Variants in PEX5L observed in about 807,000 individuals in gnomAD.
PEX5L encodes the protein PEX5-related protein.
In PEX5L, 30 loss-of-function variants were observed where a neutral mutation model predicts 84.0. That is an observed-to-expected ratio of 0.36 (90% CI 0.27 to 0.48). The LOEUF is 0.48. Among genes scored for constraint, PEX5L ranks in the 20% least tolerant of loss-of-function variants. The pLI is 0.99. For synonymous variants in PEX5L, 270 were observed against 283.1 expected (o/e 0.95, Z 0.46); for missense variants, 533 against 754.6 (o/e 0.71, Z 3.44).
intron 1 of PEX5L, among the ~76,000 whole-genome samples, chr3:179,974,817 C>T (rs756390494): frequency 2.9e-4 from 44 of 152,182 alleles, no homozygotes; most frequent in Non-Finnish European, 2.1e-4. Context: ...CTGTTTCCTA[C>T]CCCTTTGTCC....
intron 1 of PEX5L, among the ~76,000 whole-genome samples, chr3:180,025,588 C>G (rs1790872903): frequency 6.6e-6 from 1 of 152,068 alleles, no homozygotes; most frequent in Non-Finnish European, 1.5e-5. Flanking sequence ...TGCAGAGCAG[C>G]ACTCACTGAG....
chr3:179,877,465 A>G (rs1054163945), intron 5 of PEX5L, among the ~76,000 whole-genome samples: 4 of 152,062 alleles, frequency 2.6e-5, no homozygotes, highest in Admixed American at 6.6e-5. Context: ...ATATTAATAT[A>G]TTCTTTTTTT....
chr3:179,843,204 G>T (rs1257671756), intron 8 of PEX5L, among the ~76,000 whole-genome samples: 1 of 152,132 alleles, frequency 6.6e-6, no homozygotes, highest in Non-Finnish European at 1.5e-5. Context: ...GATCATCACG[G>T]CAGGACAGCC....
intron 2 of PEX5L, among the ~76,000 whole-genome samples, chr3:179,937,765 G>A (rs1775001898): frequency 6.6e-6 from 1 of 152,118 alleles, no homozygotes; most frequent in Non-Finnish European, 1.5e-5. Context: ...CAAGAGTTTT[G>A]GTATTATTTG....
chr3:179,915,946 A>T (rs1766904657), intron 2 of PEX5L, among the ~76,000 whole-genome samples: 1 of 152,190 alleles, frequency 6.6e-6, no homozygotes, highest in African/African-American at 2.4e-5. Context: ...AATCTCACAA[A>T]CACCTCTTTG....
At chr3:179,843,093 G>A (rs1465460148) in intron 8 of PEX5L, among the ~76,000 whole-genome samples, 1 of 151,916 alleles carries the variant, frequency 6.6e-6, no homozygotes, top group African/African-American at 2.4e-5. Context: ...ATCGAAATAG[G>A]TTACCTAGGA....
At chr3:179,979,502 A>G (rs902853788) in intron 1 of PEX5L, among the ~76,000 whole-genome samples, 2 of 152,184 alleles carry the variant, frequency 1.3e-5, no homozygotes, top group Non-Finnish European at 2.9e-5. Flanking sequence ...CCAAAACAAG[A>G]TGAAACTAGC....
intron 2 of PEX5L, among the ~76,000 whole-genome samples, chr3:179,931,049 C>T (rs191627671): frequency 1.3e-5 from 2 of 152,098 alleles, no homozygotes; most frequent in South Asian, 4.1e-4. Context: ...AATTAAAAAA[C>T]ACACACACAT....
intron 7 of PEX5L, among the ~76,000 whole-genome samples, 171 bp from the exon 8 acceptor site, chr3:179,859,328 T>C (rs1303012684): frequency 2.6e-5 from 4 of 152,228 alleles, no homozygotes; most frequent in Non-Finnish European, 4.4e-5. Context: ...ACTGAGATGC[T>C]GTCAAAATGT....
intron 1 of PEX5L, among the ~76,000 whole-genome samples, chr3:179,995,170 T>C (rs1787767154): frequency 6.8e-6 from 1 of 147,718 alleles, no homozygotes; most frequent in South Asian, 2.1e-4. Flanking sequence ...ATATACTATA[T>C]ATGTATATAC....
chr3:179,874,290 G>T, intron 7 of PEX5L, 37 bp downstream of exon 7: 2 of 1,159,690 alleles, frequency 1.7e-6, no homozygotes, highest in South Asian at 2.5e-5. Context: ...ACTATATATA[G>T]GGAAAGATGT....
intron 2 of PEX5L, chr3:179,921,618 A>C (rs1193740874): frequency 6.6e-6 from 1 of 152,212 alleles, no homozygotes; most frequent in African/African-American, 2.4e-5. Context: ...TTATCTAAGA[A>C]TCTGAGAGAG....
chr3:179,952,265 C>T (rs960708495), intron 2 of PEX5L, among the ~76,000 whole-genome samples: 2 of 152,126 alleles, frequency 1.3e-5, no homozygotes, highest in African/African-American at 2.4e-5. Context: ...ACAATATACC[C>T]ACTGAATTTT....
At chr3:179,973,159 C>G in intron 1 of PEX5L, 1 of 1,287,658 alleles carries the variant, frequency 7.8e-7, no homozygotes, top group Non-Finnish European at 1.0e-6. Flanking sequence ...GTATACGTAC[C>G]AAGTAGCTCA....
chr3:180,007,227 A>C (rs1293027954), intron 1 of PEX5L, among the ~76,000 whole-genome samples: 1 of 152,154 alleles, frequency 6.6e-6, no homozygotes, highest in Non-Finnish European at 1.5e-5. Context: ...CAAGTCCAAA[A>C]TCCAGTGGGG....
intron 1 of PEX5L, among the ~76,000 whole-genome samples, chr3:180,004,625 A>T (rs1008797723): frequency 2.6e-5 from 4 of 152,146 alleles, no homozygotes; most frequent in African/African-American, 9.7e-5. Context: ...CGAAGTTCAA[A>T]GTCTTGCTAT....
At chr3:179,976,444 G>A (rs567456062) in intron 1 of PEX5L, among the ~76,000 whole-genome samples, 7 of 151,634 alleles carry the variant, frequency 4.6e-5, no homozygotes, top group African/African-American at 1.7e-4. Context: ...TTTTTTTTTG[G>A]AGGGGTGTGG....
intron 4 of PEX5L, 97 bp from the exon 5 acceptor site, chr3:179,880,220 G>T (rs978380160): frequency 4.4e-6 from 3 of 688,706 alleles, no homozygotes; most frequent in Non-Finnish European, 7.1e-6. Flanking sequence ...TATGTTTGTA[G>T]GATAGGTTAG....
chr3:179,877,496 T>G (rs1294570460), intron 5 of PEX5L, among the ~76,000 whole-genome samples: 2 of 152,214 alleles, frequency 1.3e-5, no homozygotes, highest in African/African-American at 4.8e-5. Flanking sequence ...TCTCACTCTG[T>G]TGCCCAGGCT....
Sources: allele counts gnomAD v4.1 joint callset (sites outside exome capture counted in the v4.1 genomes callset), GRCh38; gene constraint gnomAD v4.1.1; transcripts MANE v1.5; gene names NCBI Gene and HGNC (gene_info 2026-07-23, HGNC 2026-07-21).